Variants in LYN observed in about 807,000 individuals in gnomAD.
The protein encoded by LYN is LYN proto-oncogene, Src family tyrosine kinase.
LYN carries 12 observed loss-of-function variants against 65.0 expected under a neutral mutation model. That is an observed-to-expected ratio of 0.18 (90% CI 0.12 to 0.30). The LOEUF is 0.30. LYN is among the 10% of genes least tolerant of loss of function. The pLI is 1.00. For missense variants in LYN, 380 were observed against 623.2 expected, an observed-to-expected ratio of 0.61 and a Z score of 4.16; for synonymous variants, 222 against 221.2, an observed-to-expected ratio of 1.00 and a Z score of -0.03.
chr8:55,892,374 C>G (rs1442543763), intron 1 of LYN, among the ~76,000 whole-genome samples: 1 of 152,050 alleles, frequency 6.6e-6, no homozygotes, highest in African/African-American at 2.4e-5. Context: ...GAGCTGAGAC[C>G]ACGCCGTTGG....
intron 1 of LYN, among the ~76,000 whole-genome samples, chr8:55,886,128 A>G (rs1804785710): frequency 6.6e-6 from 1 of 152,206 alleles, no homozygotes; most frequent in Non-Finnish European, 1.5e-5. Context: ...AAATCTTTTA[A>G]TGTTCAGGCT....
chr8:56,013,266 CTCTCT>C lies in LYN; in HGVS notation c.*3158_*3162del, dbSNP rs1172922432. 196 of 145,846 alleles carry C rather than the reference CTCTCT, an allele frequency of 1.3e-3. No individual in the cohort carries two copies. The highest frequency in any genetic ancestry group is 1.8e-3 in the Non-Finnish European group (119 of 67,124). The allele number at this position is 145,846 out of a possible 1,614,324, so 9.0% of individuals were successfully genotyped here. On this transcript the variant is annotated 3_prime_UTR_variant, in exon 13 of 13. Transcript: ENST00000519728. ...AGCTTGTGGAGTCTGCTTTCTCGCT[CTCTCT>C]TTTTTTTTTTTTTTTGACAGAGTCT...
chr8:55,914,238 C>A (rs952265609), intron 1 of LYN, among the ~76,000 whole-genome samples: 9 of 151,222 alleles, frequency 6.0e-5, no homozygotes, highest in Non-Finnish European at 1.2e-4. Context: ...GGAGGTCGGC[C>A]GTGGAGTGGA....
chr8:55,966,881 C>T lies in LYN; in HGVS notation c.957C>T (p.Thr319=), dbSNP rs756982541. 19 of 1,613,520 alleles carry T rather than the reference C, an allele frequency of 1.2e-5. No individual in the cohort carries two copies. The highest frequency in any genetic ancestry group is 4.5e-5 in the East Asian group (2 of 44,880). The change falls in exon 9 of 13, where the codon ACC becomes ACT. Residue 319 remains threonine, a synonymous_variant. Transcript: ENST00000519728. ...VTREEPIYII[T]EYMAKGSLLD... is the part of the protein sequence containing the mutation. Reference sequence around the variant, plus strand: ...GGGAGGAGCCCATTTACATCATCACCGAGTACATGGCCAAGGGTGAGTTCC... The same window carrying T: ...GGGAGGAGCCCATTTACATCATCACTGAGTACATGGCCAAGGGTGAGTTCC...
Position 55,966,691 on chromosome 8 carries a change from G to T in LYN, c.791-24G>T, listed in dbSNP as rs544993528. On this transcript the variant is annotated intron_variant, in intron 8 of 12. Coordinates refer to ENST00000519728, the MANE Select transcript of LYN (RefSeq NM_002350.4). ...CTAGATTTTCTGTTTTATAAAGCATGCCCGCCTTCTTTTTTCTTCCTAGGT... is the reference window on the plus strand; with the variant it reads ...CTAGATTTTCTGTTTTATAAAGCATTCCCGCCTTCTTTTTTCTTCCTAGGT... 1.9e-6 allele frequency: 3 copies of T among 1,606,426 alleles called. No homozygotes were observed. The South Asian group carries it at 3.3e-5, about 18-fold the overall frequency.
intron 10 of LYN, among the ~76,000 whole-genome samples, chr8:55,986,434 A>G (rs981822616): frequency 6.6e-6 from 1 of 152,234 alleles, no homozygotes; most frequent in Non-Finnish European, 1.5e-5. Context: ...AGTTTTTGCA[A>G]GAGAAAGTAA....
At chr8:55,995,789 A>G (rs1372237602) in intron 10 of LYN, among the ~76,000 whole-genome samples, 1 of 152,192 alleles carries the variant, frequency 6.6e-6, no homozygotes, top group African/African-American at 2.4e-5. Context: ...GGGCCGGGTC[A>G]TACGGGGCCT....
chr8:55,981,128 C>T (rs149001790), intron 10 of LYN, among the ~76,000 whole-genome samples: 1 of 152,300 alleles, frequency 6.6e-6, no homozygotes, highest in Non-Finnish European at 1.5e-5. Context: ...TATCCCAGTG[C>T]CTCTCCAGAG....
intron 1 of LYN, chr8:55,902,656 T>G (rs1805304478): frequency 3.9e-5 from 15 of 381,174 alleles, no homozygotes; most frequent in South Asian, 2.8e-4. Context: ...TGAAAATTCC[T>G]TATTACTTAA....
At chr8:55,919,961 G>T (rs1237348782) in intron 1 of LYN, among the ~76,000 whole-genome samples, 2 of 152,106 alleles carry the variant, frequency 1.3e-5, no homozygotes, top group Admixed American at 6.5e-5. Flanking sequence ...TTGCTTCTTT[G>T]TCTGTCCTCC....
At chr8:55,985,856 G>T (rs1808058749) in intron 10 of LYN, among the ~76,000 whole-genome samples, 1 of 152,106 alleles carries the variant, frequency 6.6e-6, no homozygotes, top group African/African-American at 2.4e-5. Flanking sequence ...GAGATACCTT[G>T]ACCTTCAGTC....
chr8:55,982,202 TA>T lies in LYN; in HGVS notation c.1050+12410del, dbSNP rs1313936866. 2.6e-5 allele frequency among the ~76,000 whole-genome samples: 4 copies of T among 152,296 alleles called. No individual in the cohort carries two copies. In the East Asian group the frequency reaches 5.8e-4, roughly 22 times the overall value. Reference sequence around the variant, plus strand: ...ATCATTATCTGGCAATGTTATATGTTACAGAGCCAACTACTTGCATGATTAT... The same window carrying T: ...ATCATTATCTGGCAATGTTATATGTTCAGAGCCAACTACTTGCATGATTAT... On this transcript the variant is annotated intron_variant, in intron 10 of 12. Transcript: ENST00000519728.
At position 56,011,826 on chromosome 8, in the gene LYN, G is replaced by C. The variant is rs567712554; in HGVS notation, c.*1716G>C. 1 of 182,622 alleles carries C rather than the reference G, an allele frequency of 5.5e-6. No homozygotes were observed. The highest frequency in any genetic ancestry group is 2.0e-4 in the South Asian group (1 of 5,084). 11.3% of individuals were successfully genotyped at this position (182,622 alleles called of 1,614,324 possible). A position where few individuals can be genotyped will look rare whatever the true frequency, so the allele number is the denominator to read the frequency against. Reference sequence around the variant, plus strand: ...ACTGTTACATAATGTCTGCACAGCTGGTCCCTTGATTCAGTGGTAAGGTTT... The same window carrying C: ...ACTGTTACATAATGTCTGCACAGCTCGTCCCTTGATTCAGTGGTAAGGTTT... On this transcript the variant is annotated 3_prime_UTR_variant, in exon 13 of 13. Transcript: ENST00000519728.
chr8:55,998,715 A>G (rs1034589896), intron 11 of LYN, among the ~76,000 whole-genome samples: 2 of 152,230 alleles, frequency 1.3e-5, no homozygotes, highest in Admixed American at 1.3e-4. Flanking sequence ...TTAGGCTTAC[A>G]AATGCTATCA....
intron 10 of LYN, among the ~76,000 whole-genome samples, chr8:55,973,341 T>C (rs1807662394): frequency 6.6e-6 from 1 of 152,202 alleles, no homozygotes; most frequent in Non-Finnish European, 1.5e-5. Flanking sequence ...CATAGCCCAT[T>C]CAACATAGAT....
chr8:55,965,842 C>T (rs978858264), intron 8 of LYN, among the ~76,000 whole-genome samples: 3 of 151,926 alleles, frequency 2.0e-5, no homozygotes, highest in Non-Finnish European at 2.9e-5. Flanking sequence ...TATTAGTCCT[C>T]GGCTGGGCAC....
chr8:55,977,955 C>T (rs1807804110), intron 10 of LYN, among the ~76,000 whole-genome samples: 1 of 152,076 alleles, frequency 6.6e-6, no homozygotes, highest in African/African-American at 2.4e-5. Flanking sequence ...GAGCTCGTCT[C>T]TAAAGGGTAC....
At chr8:55,962,378 A>G (rs1214474591) in intron 8 of LYN, among the ~76,000 whole-genome samples, 2 of 146,688 alleles carry the variant, frequency 1.4e-5, no homozygotes, top group Middle Eastern at 3.9e-3. Flanking sequence ...TGTGGCTACA[A>G]TTCATTCATC....
intron 3 of LYN, 98 bp downstream of exon 3, chr8:55,946,591 G>A: frequency 7.6e-6 from 6 of 790,498 alleles, no homozygotes; most frequent in South Asian, 4.8e-5. Context: ...TTTTATTGTG[G>A]GACATATATA....
Sources: allele counts gnomAD v4.1 joint callset (sites outside exome capture counted in the v4.1 genomes callset), GRCh38; gene constraint gnomAD v4.1.1; transcripts MANE v1.5; gene names NCBI Gene and HGNC (gene_info 2026-07-23, HGNC 2026-07-21).